The following ADAD1 variants were observed in gnomAD, a reference collection of about 807,000 sequenced individuals.
The protein encoded by ADAD1 is adenosine deaminase domain-containing protein 1.
ADAD1 carries 46 observed loss-of-function variants against 66.8 expected under a neutral mutation model. The ratio of observed to expected loss-of-function variants is 0.69; its 90% CI spans 0.54 to 0.88. The LOEUF is 0.88. ADAD1 is among the 40% of genes least tolerant of loss of function. The pLI is 0.00. For missense variants in ADAD1, 617 were observed against 681.8 expected (o/e 0.91, Z 1.06); for synonymous variants, 248 against 229.4 (o/e 1.08, Z -0.73).
At chr4:122,421,517 A>G (rs1451102272) in intron 12 of ADAD1, 127 bp downstream of exon 12, 1 of 926,526 alleles carries the variant, frequency 1.1e-6, no homozygotes, top group Admixed American at 3.6e-5. Context: ...TTACCAGGTA[A>G]TGGTAAAATT....
chr4:122,382,750 G>A (rs1006009665), intron 4 of ADAD1, among the ~76,000 whole-genome samples: 4 of 152,108 alleles, frequency 2.6e-5, no homozygotes, highest in African/African-American at 9.7e-5. Flanking sequence ...AATCATCTGG[G>A]CCACTTGTTG....
intron 9 of ADAD1, among the ~76,000 whole-genome samples, chr4:122,411,780 C>G (rs1796476276): frequency 6.6e-6 from 1 of 152,082 alleles, no homozygotes. Flanking sequence ...ACTTCTAGTT[C>G]CAAGCATTTT....
intron 8 of ADAD1, among the ~76,000 whole-genome samples, chr4:122,409,707 T>C (rs1262693071): frequency 6.6e-6 from 1 of 152,160 alleles, no homozygotes; most frequent in African/African-American, 2.4e-5. Context: ...GTGTTTTGTT[T>C]GTTTGTTTTT....
At chr4:122,392,093 G>A (rs533374314) in intron 5 of ADAD1, among the ~76,000 whole-genome samples, 23 of 152,226 alleles carry the variant, frequency 1.5e-4, no homozygotes, top group African/African-American at 5.1e-4. Context: ...CTAATAAACA[G>A]GATTTAATAT....
chr4:122,423,375 A>G (rs1797094128), intron 12 of ADAD1, among the ~76,000 whole-genome samples: 1 of 152,164 alleles, frequency 6.6e-6, no homozygotes, highest in Non-Finnish European at 1.5e-5. Flanking sequence ...GCTGAGGTAA[A>G]TTCTTCATAT....
chr4:122,421,868 T>C (rs1332178755), intron 12 of ADAD1, among the ~76,000 whole-genome samples: 1 of 152,056 alleles, frequency 6.6e-6, no homozygotes, highest in Non-Finnish European at 1.5e-5. Context: ...TTCCAAAATA[T>C]ATTTTACATA....
chr4:122,391,294 C>T (rs112813840), intron 5 of ADAD1, among the ~76,000 whole-genome samples: 11 of 152,270 alleles, frequency 7.2e-5, no homozygotes, highest in African/African-American at 2.6e-4. Context: ...TAGGATCACT[C>T]CTGTATAAGG....
intron 8 of ADAD1, among the ~76,000 whole-genome samples, chr4:122,408,565 C>T (rs367845380): frequency 4.6e-5 from 7 of 152,094 alleles, no homozygotes; most frequent in Non-Finnish European, 4.4e-5. Flanking sequence ...GGTGAGCCAC[C>T]GCACCCGGCC....
intron 10 of ADAD1, among the ~76,000 whole-genome samples, chr4:122,413,857 T>TATATAC: frequency 7.0e-6 from 1 of 142,756 alleles, no homozygotes; most frequent in South Asian, 2.1e-4. Flanking sequence ...AGATCATATA[T>TATATAC]ATATATATAT....
At position 122,408,009 on chromosome 4, in the gene ADAD1, A is replaced by G. The variant is rs1796294775; in HGVS notation, c.826A>G (p.Thr276Ala). The change falls in exon 8 of 13, where the codon ACA becomes GCA. Residue 276 changes from threonine to alanine, a missense_variant. Transcript: ENST00000296513. Reference protein sequence around the residue: ...RVLHDTHAVVTARRSLLRYFY... With the variant: ...RVLHDTHAVVAARRSLLRYFY... ...ATTGCATGACACTCATGCTGTTGTT[A>G]CAGCAAGAAGGTCTCTTCTTAGGTA... is the stretch of plus-strand genomic sequence containing the variant. 3 of 1,613,216 alleles carry G rather than the reference A, an allele frequency of 1.9e-6. No homozygotes were observed. Among genetic ancestry groups the G allele is most frequent in the African/African-American group, 1.3e-5 (1 of 74,900 alleles).
intron 7 of ADAD1, among the ~76,000 whole-genome samples, chr4:122,399,844 T>A (rs905482283): frequency 1.3e-5 from 2 of 151,940 alleles, no homozygotes; most frequent in Admixed American, 1.3e-4. Context: ...TTTTTGTACA[T>A]TGATTTTGTA....
chr4:122,426,329 A>G (rs1797236272), intron 12 of ADAD1, among the ~76,000 whole-genome samples: 1 of 152,186 alleles, frequency 6.6e-6, no homozygotes, highest in Admixed American at 6.5e-5. Flanking sequence ...TAAGAAATCA[A>G]ATTACTAATT....
At chr4:122,422,121 CT>C (rs10713074) in intron 12 of ADAD1, among the ~76,000 whole-genome samples, 35,251 of 114,106 alleles carry the variant, frequency 0.31, 5,288 homozygotes, top group Middle Eastern at 0.58. Context: ...CATGAACATC[CT>C]TTTTTTTTTT....
chr4:122,390,205 CAG>C (rs1795368168), intron 5 of ADAD1, among the ~76,000 whole-genome samples: 1 of 152,128 alleles, frequency 6.6e-6, no homozygotes, highest in Non-Finnish European at 1.5e-5. Context: ...TCCTGGCTAG[CAG>C]AGTTTCTGCT....
intron 6 of ADAD1, among the ~76,000 whole-genome samples, chr4:122,394,742 C>T (rs1471962774): frequency 3.9e-5 from 6 of 152,022 alleles, no homozygotes; most frequent in African/African-American, 7.2e-5. Context: ...ACATTTTTAA[C>T]GAATAAGAGG....
intron 11 of ADAD1, 138 bp from the exon 12 acceptor site, chr4:122,421,121 CTT>C (rs1014517966): frequency 2.0e-6 from 1 of 495,212 alleles, no homozygotes; most frequent in Non-Finnish European, 3.0e-6. Flanking sequence ...AAGAATGCCT[CTT>C]ATGTAAAAAA....
At chr4:122,398,300 G>T (rs1580762705) in intron 7 of ADAD1, among the ~76,000 whole-genome samples, 1 of 148,230 alleles carries the variant, frequency 6.7e-6, no homozygotes, top group South Asian at 2.2e-4. Flanking sequence ...CTCTATCCAG[G>T]CTGAGTAGTA....
chr4:122,395,551 C>T (rs1053697718), intron 6 of ADAD1, among the ~76,000 whole-genome samples: 14 of 151,804 alleles, frequency 9.2e-5, no homozygotes, highest in African/African-American at 2.9e-4. Flanking sequence ...CATGGTGGCG[C>T]ACGCTTGTAG....
chr4:122,421,863 A>G (rs1265467960), intron 12 of ADAD1, among the ~76,000 whole-genome samples: 1 of 152,052 alleles, frequency 6.6e-6, no homozygotes, highest in Non-Finnish European at 1.5e-5. Flanking sequence ...CTCTCTTCCA[A>G]AATATATTTT....
Sources: gnomAD v4.1 joint callset for allele counts (sites outside exome capture counted in the v4.1 genomes callset) on GRCh38, gnomAD v4.1.1 for gene constraint, MANE v1.5 for transcripts, NCBI Gene and HGNC (gene_info 2026-07-23, HGNC 2026-07-21) for gene names.